STAU1: variants seen among roughly 807,000 people sequenced by gnomAD.
STAU1 encodes double-stranded RNA-binding protein Staufen homolog 1.
In STAU1, 13 loss-of-function variants were observed where a neutral mutation model predicts 62.9. The ratio of observed to expected loss-of-function variants is 0.21; its 90% CI spans 0.13 to 0.33. The LOEUF is 0.33. Ranked by LOEUF, STAU1 falls within the 10% of genes least tolerant of loss-of-function variation. STAU1 has a pLI of 1.00. For missense variants in STAU1, 571 were observed against 712.1 expected (o/e 0.80, Z 2.25); for synonymous variants, 269 against 265.1 (o/e 1.01, Z -0.14).
chr20:49,132,102 G>A lies in STAU1; in HGVS notation c.609+3731C>T, dbSNP rs2092763486. On this transcript the variant is annotated intron_variant, in intron 6 of 13. Transcript: ENST00000371856. ...TAGGAATTCAGCACAGTGGCCAGGA[G>A]CAGAGGTGTGGGAAGGACCTGGCCT... Among the ~76,000 whole-genome samples, 6 of 151,920 alleles carry A rather than the reference G, an allele frequency of 3.9e-5. No individual in the cohort carries two copies. In the South Asian group the frequency reaches 1.2e-3, roughly 32 times the overall value.
At chr20:49,175,858 A>C (rs1390558364) in intron 1 of STAU1, among the ~76,000 whole-genome samples, 2 of 123,336 alleles carry the variant, frequency 1.6e-5, no homozygotes, top group African/African-American at 6.4e-5. Flanking sequence ...GCAGTGGCGC[A>C]ATCTCGGCTC....
chr20:49,154,267 G>C (rs551563480), intron 3 of STAU1, among the ~76,000 whole-genome samples, 196 bp from the exon 4 acceptor site: 1 of 152,102 alleles, frequency 6.6e-6, no homozygotes, highest in Non-Finnish European at 1.5e-5. Flanking sequence ...ATACACAGTC[G>C]ACAGCACAAA....
chr20:49,195,295 T>C, the STAU1 span, among the ~76,000 whole-genome samples: 11 of 151,654 alleles, frequency 7.3e-5, no homozygotes, highest in African/African-American at 2.2e-4. Context: ...CCCAGCACTT[T>C]GGGAGGCCGA....
In STAU1 at chr20:49,159,212, C is replaced by T. The variant is rs932655183; in HGVS notation, c.206-5141G>A. 104 of 994,414 alleles carry T rather than the reference C, an allele frequency of 1.0e-4. No homozygotes were observed. The African/African-American group carries it at 1.7e-3, about 16-fold the overall frequency. 61.6% of individuals were successfully genotyped at this position (994,414 alleles called of 1,614,324 possible). A position where few individuals can be genotyped will look rare whatever the true frequency, so the allele number is the denominator to read the frequency against. On this transcript the variant is annotated intron_variant, in intron 3 of 13. Transcript: ENST00000371856. ...TCTTGCCTTTCTCTAGGACTTTCCC[C>T]ATCCGGTGCTACCTGCCACTCTGCT...
intron 3 of STAU1, among the ~76,000 whole-genome samples, chr20:49,160,170 C>G (rs974107416): frequency 6.6e-6 from 1 of 152,154 alleles, no homozygotes. Context: ...TAGTAACTTG[C>G]ACAAGATCAC....
chr20:49,153,710 C>CAAAAAAAAAAAAAAAAAAAAAAAAA (rs145558067), intron 4 of STAU1, among the ~76,000 whole-genome samples: 10 of 67,590 alleles, frequency 1.5e-4, no homozygotes, highest in South Asian at 5.7e-4. Flanking sequence ...GACTCTGTCT[C>CAAAAAAAAAAAAAAAAAAAAAAAAA]AAAAAAAAAA....
intron 1 of STAU1, among the ~76,000 whole-genome samples, chr20:49,174,636 C>T (rs1487635315): frequency 6.6e-6 from 1 of 151,288 alleles, no homozygotes; most frequent in Non-Finnish European, 1.5e-5. Context: ...TGGGAAATTA[C>T]GAGGTTAAGA....
the STAU1 span, among the ~76,000 whole-genome samples, chr20:49,204,606 A>ATG: frequency 1.6e-5 from 1 of 63,348 alleles, no homozygotes; most frequent in Non-Finnish European, 3.2e-5. Context: ...ATATATATAT[A>ATG]TATATATATA....
rs1227806270 is a variant in STAU1 at position 49,174,253 on chromosome 20, T to A, written c.-143A>T. The A allele has an allele frequency of 6.6e-6, 1 of 152,198 alleles. No homozygotes were observed. The highest frequency in any genetic ancestry group is 2.4e-5 in the African/African-American group (1 of 41,444). 9.4% of individuals were successfully genotyped at this position (152,198 alleles called of 1,614,324 possible). A position where few individuals can be genotyped will look rare whatever the true frequency, so the allele number is the denominator to read the frequency against. On this transcript the variant is annotated 5_prime_UTR_variant, in exon 2 of 14. Transcript: ENST00000371856. Reference sequence around the variant, plus strand: ...TTGTCTTTGTTCAGTTCTGAGAGGTTAAGTGGTTAATAAACTCTGGAAAAT... The same window carrying A: ...TTGTCTTTGTTCAGTTCTGAGAGGTAAAGTGGTTAATAAACTCTGGAAAAT...
chr20:49,198,814 T>A, the STAU1 span, among the ~76,000 whole-genome samples: 1 of 152,198 alleles, frequency 6.6e-6, no homozygotes, highest in African/African-American at 2.4e-5. Context: ...ATACAAAAAA[T>A]TAGCTGGGCA....
chr20:49,153,496 C>T (rs188186451), intron 4 of STAU1, among the ~76,000 whole-genome samples: 2 of 149,788 alleles, frequency 1.3e-5, no homozygotes, highest in East Asian at 4.0e-4. Context: ...ATCTGAGGTC[C>T]GGAGTTCAAG....
At chr20:49,149,736 A>G (rs1309565422) in intron 5 of STAU1, among the ~76,000 whole-genome samples, 1 of 152,204 alleles carries the variant, frequency 6.6e-6, no homozygotes, top group East Asian at 1.9e-4. Context: ...CTGGAAACAG[A>G]TCATCTGTTA....
At chr20:49,179,020 G>A (rs2093693102) in intron 1 of STAU1, 2 of 150,074 alleles carry the variant, frequency 1.3e-5, no homozygotes, top group Admixed American at 6.7e-5. Flanking sequence ...GGCAGAGCTT[G>A]CAGTGAGTCA....
chr20:49,127,121 G>A (rs1056296979), intron 6 of STAU1, among the ~76,000 whole-genome samples: 6 of 152,080 alleles, frequency 3.9e-5, no homozygotes, highest in Non-Finnish European at 7.4e-5. Context: ...TTGGGAGGCC[G>A]AGGTGGGCAG....
rs143830152 is a variant in STAU1, at chr20:49,120,071, G to A, written c.1024C>T (p.Arg342Cys). 2.1e-5 allele frequency: 34 copies of A among 1,614,028 alleles called. No individual in the cohort carries two copies. The highest frequency in any genetic ancestry group is 2.5e-5 in the Non-Finnish European group (29 of 1,180,020). Residue 342 changes from arginine to cysteine, a missense_variant, in exon 9 of 14, where the codon CGC (arginine) becomes TGC (cysteine). Around this residue, in one of 3 missense-constraint regions of STAU1, gnomAD observed 414 missense variants for 499.6 expected, o/e 0.83. Transcript: ENST00000371856. ...TCCAGCATGTTCTCGGCTGCATTGC[G>A]CTTGGCCACCTTCTTGTTGGTGCCC... ...GTGTNKKVAK[R>C]NAAENMLEIL... is the part of the protein sequence containing the mutation.
chr20:49,149,965 T>G (rs1446053970), intron 5 of STAU1, among the ~76,000 whole-genome samples: 1 of 152,206 alleles, frequency 6.6e-6, no homozygotes, highest in East Asian at 1.9e-4. Context: ...GTGAACATGT[T>G]TCCTGGTGAA....
intron 3 of STAU1, among the ~76,000 whole-genome samples, chr20:49,160,905 G>A (rs918508672): frequency 2.5e-4 from 38 of 152,284 alleles, no homozygotes; most frequent in Admixed American, 3.9e-4. Context: ...AGAGGAGCCA[G>A]AAGTAAGCTG....
chr20:49,172,912 G>C (rs148323862), intron 2 of STAU1, among the ~76,000 whole-genome samples: 1,775 of 150,436 alleles, frequency 0.012, 40 homozygotes, highest in African/African-American at 0.04. Flanking sequence ...GAGTCTCGCT[G>C]TGTTGCCCAG....
At chr20:49,190,230 T>TGG (rs1271792337), upstream of STAU1, among the ~76,000 whole-genome samples, 3 of 152,106 alleles carry the variant, frequency 2.0e-5, no homozygotes, top group Admixed American at 2.0e-4. Flanking sequence ...GGGACAAAAG[T>TGG]GGTGGGTCTA....
Sources: gnomAD v4.1 joint callset for allele counts (sites outside exome capture counted in the v4.1 genomes callset) on GRCh38, gnomAD v4.1.1 for gene constraint, gnomAD v4.1.1 regional missense constraint, MANE v1.5 for transcripts, NCBI Gene and HGNC (gene_info 2026-07-23, HGNC 2026-07-21) for gene names.